Variants in FAM163A observed in about 807,000 individuals in gnomAD.
FAM163A encodes the protein protein FAM163A.
Under a neutral mutation model 12.0 loss-of-function variants are expected in FAM163A, and 7 were observed. The observed-to-expected ratio is 0.58, with a 90% confidence interval of 0.33 to 1.10. The LOEUF (loss-of-function observed/expected upper bound fraction) is 1.10. FAM163A is among the 50% of genes least tolerant of loss of function. FAM163A has a pLI of 0.03. For synonymous variants in FAM163A, 101 were observed against 91.0 expected (o/e 1.11, Z -0.62); for missense variants, 202 against 218.6 (o/e 0.92, Z 0.48).
At chr1:179,738,738 T>G (rs1378631474), upstream of FAM163A, among the ~76,000 whole-genome samples, 2 of 152,216 alleles carry the variant, frequency 1.3e-5, no homozygotes, top group Non-Finnish European at 2.9e-5. Context: ...TAATTAATCA[T>G]GAAAGACTGA....
intron 1 of FAM163A, among the ~76,000 whole-genome samples, chr1:179,799,103 G>T (rs1376854803): frequency 1.3e-5 from 2 of 148,880 alleles, no homozygotes; most frequent in South Asian, 2.1e-4. Context: ...CAGTCTGCTG[G>T]AAGAAAGTGA....
Position 179,813,178 on chromosome 1 carries a change from C to CT in FAM163A, c.82dup (p.Cys28LeufsTer84). On this transcript the variant is annotated frameshift_variant, in exon 4 of 5. Coordinates refer to ENST00000341785, the MANE Select transcript of FAM163A (RefSeq NM_173509.3). LOFTEE classifies it high-confidence loss of function. Reference sequence around the variant, plus strand: ...TCTGCATCATTGCCGTCCTGTGCTACTGCAGGCTCCAGGTCAGTCCCCGGG... The same window carrying CT: ...TCTGCATCATTGCCGTCCTGTGCTACTTGCAGGCTCCAGGTCAGTCCCCGGG... The CT allele has an allele frequency of 6.4e-7, 1 of 1,551,808 alleles. No individual in the cohort carries two copies. Among genetic ancestry groups the CT allele is most frequent in the South Asian group, 1.2e-5 (1 of 84,070 alleles).
chr1:179,795,076 G>C (rs920534505), intron 1 of FAM163A, among the ~76,000 whole-genome samples: 2 of 152,288 alleles, frequency 1.3e-5, no homozygotes, highest in East Asian at 3.9e-4. Flanking sequence ...TAAGAAGGGG[G>C]ATGGGAGAGG....
chr1:179,745,440 C>G (rs981684538), intron 1 of FAM163A, among the ~76,000 whole-genome samples: 1 of 152,094 alleles, frequency 6.6e-6, no homozygotes, highest in African/African-American at 2.4e-5. Context: ...GGAGCCTGGC[C>G]CCAGCACAGT....
intron 1 of FAM163A, among the ~76,000 whole-genome samples, chr1:179,744,977 A>G (rs1225163713): frequency 1.3e-5 from 2 of 152,226 alleles, no homozygotes; most frequent in Non-Finnish European, 2.9e-5. Context: ...TTCTGCCCTA[A>G]TGAAATACTT....
intron 1 of FAM163A, among the ~76,000 whole-genome samples, chr1:179,779,987 T>C (rs190158457): frequency 3.7e-4 from 57 of 152,348 alleles, no homozygotes; most frequent in African/African-American, 1.1e-3. Context: ...AAACTATAAA[T>C]GGTTGTTTTC....
intron 1 of FAM163A, among the ~76,000 whole-genome samples, chr1:179,759,840 T>C (rs2148037502): frequency 6.6e-6 from 1 of 152,238 alleles, no homozygotes; most frequent in South Asian, 2.1e-4. Flanking sequence ...CTAATTTTTG[T>C]ATTTTTAGTA....
chr1:179,790,113 C>T (rs1016499366), intron 1 of FAM163A, among the ~76,000 whole-genome samples: 1 of 151,720 alleles, frequency 6.6e-6, no homozygotes, highest in Non-Finnish European at 1.5e-5. Flanking sequence ...CAGATGGTAG[C>T]AGTAGGTACA....
chr1:179,806,171 T>C (rs1693908982), intron 1 of FAM163A, among the ~76,000 whole-genome samples: 1 of 152,200 alleles, frequency 6.6e-6, no homozygotes, highest in African/African-American at 2.4e-5. Flanking sequence ...AGACAGATGC[T>C]TTTACATTCC....
At chr1:179,757,448 G>A (rs1160800394) in intron 1 of FAM163A, among the ~76,000 whole-genome samples, 1 of 152,174 alleles carries the variant, frequency 6.6e-6, no homozygotes, top group Non-Finnish European at 1.5e-5. Context: ...GATGGGGGTA[G>A]GAAGCTTAAA....
At chr1:179,751,235 G>A (rs1360441328) in intron 1 of FAM163A, among the ~76,000 whole-genome samples, 1 of 152,048 alleles carries the variant, frequency 6.6e-6, no homozygotes, top group East Asian at 1.9e-4. Context: ...TGCCTAGGGA[G>A]AGAGGGTGGG....
At chr1:179,754,730 C>T (rs527314888) in intron 1 of FAM163A, among the ~76,000 whole-genome samples, 8 of 152,306 alleles carry the variant, frequency 5.3e-5, no homozygotes, top group Admixed American at 5.2e-4. Context: ...AGAGGCTAAA[C>T]AGTAGCCTGG....
At chr1:179,766,577 A>G (rs1687531058) in intron 1 of FAM163A, among the ~76,000 whole-genome samples, 1 of 152,238 alleles carries the variant, frequency 6.6e-6, no homozygotes, top group Non-Finnish European at 1.5e-5. Flanking sequence ...CATGTTAAAT[A>G]AATGTGTATG....
At chr1:179,810,228 A>G (rs1694517688) in intron 2 of FAM163A, among the ~76,000 whole-genome samples, 1 of 152,174 alleles carries the variant, frequency 6.6e-6, no homozygotes, top group East Asian at 1.9e-4. Context: ...GCGGGATTTG[A>G]AGAGCAAACC....
At chr1:179,759,301 T>C (rs2487744) in intron 1 of FAM163A, among the ~76,000 whole-genome samples, 113,878 of 151,356 alleles carry the variant, frequency 0.75, 43,262 homozygotes, top group East Asian at 1. Context: ...CCCACTCCCA[T>C]CACATTGAGA....
At chr1:179,744,730 CCTCCCCCAG>C (rs1684206089) in intron 1 of FAM163A, among the ~76,000 whole-genome samples, 1 of 152,134 alleles carries the variant, frequency 6.6e-6, no homozygotes, top group Non-Finnish European at 1.5e-5. Flanking sequence ...CCACCTGGGC[CCTCCCCCAG>C]GGCGCCCAGG....
intron 1 of FAM163A, among the ~76,000 whole-genome samples, chr1:179,797,970 C>T (rs1021144626): frequency 2.0e-5 from 3 of 152,124 alleles, no homozygotes; most frequent in Non-Finnish European, 4.4e-5. Flanking sequence ...TGGCTCACAC[C>T]TGTAATCTCA....
In FAM163A at chr1:179,814,015, T is replaced by C. The variant is rs1273793834; in HGVS notation, c.330T>C (p.Ala110=). ...PYSSPFYIRT[A]DMVPNGGGGE... ...GCTCCCCCTTTTACATACGGACGGCTGACATGGTGCCCAATGGGGGTGGAG... is the reference window on the plus strand; with the variant it reads ...GCTCCCCCTTTTACATACGGACGGCCGACATGGTGCCCAATGGGGGTGGAG... Residue 110 remains alanine (A), a synonymous_variant, in exon 5 of 5, where the codon GCT becomes GCC. Transcript: ENST00000341785. 1 of 1,613,070 alleles carries C rather than the reference T, an allele frequency of 6.2e-7. No individual in the cohort carries two copies. Among genetic ancestry groups the C allele is most frequent in the East Asian group, 2.2e-5 (1 of 44,848 alleles).
chr1:179,731,713 T>G, the FAM163A span, among the ~76,000 whole-genome samples: 1 of 152,218 alleles, frequency 6.6e-6, no homozygotes, highest in Non-Finnish European at 1.5e-5. Context: ...CCCTTGTGTC[T>G]TCATGTAGCC....
Sources: allele counts gnomAD v4.1 joint callset (sites outside exome capture counted in the v4.1 genomes callset), GRCh38; gene constraint gnomAD v4.1.1; transcripts MANE v1.5; gene names NCBI Gene and HGNC (gene_info 2026-07-23, HGNC 2026-07-21).